The following ATXN8OS variants were observed in gnomAD, a reference collection of about 807,000 sequenced individuals.
ATXN8OS encodes the protein ATXN8 opposite strand lncRNA, also known as ATXN8 opposite strand (non-protein coding).
At chr13:70,151,780 C>T (rs1019010930) in intron 4 of ATXN8OS, among the ~76,000 whole-genome samples, 16 of 152,020 alleles carry the variant, frequency 1.1e-4, no homozygotes, top group South Asian at 6.2e-4. Flanking sequence ...AGAAGTCATC[C>T]GTAATAACTC....
chr13:70,111,525 T>C (rs1193715851), intron 1 of ATXN8OS, among the ~76,000 whole-genome samples: 2 of 152,072 alleles, frequency 1.3e-5, no homozygotes, highest in African/African-American at 2.4e-5. Context: ...GATAACCCAT[T>C]AATACATTAA....
chr13:70,138,022 G>A (rs951232279), intron 3 of ATXN8OS, among the ~76,000 whole-genome samples: 1 of 152,158 alleles, frequency 6.6e-6, no homozygotes, highest in Non-Finnish European at 1.5e-5. Flanking sequence ...CAGACCTTGA[G>A]AGAACTTATT....
At chr13:70,146,466 T>C (rs1380726054) in intron 3 of ATXN8OS, among the ~76,000 whole-genome samples, 1 of 152,140 alleles carries the variant, frequency 6.6e-6, no homozygotes, top group Non-Finnish European at 1.5e-5. Context: ...CATGCACACG[T>C]ATGTTTATTG....
chr13:70,152,968 G>A (rs1315324574), intron 4 of ATXN8OS, among the ~76,000 whole-genome samples: 4 of 150,236 alleles, frequency 2.7e-5, no homozygotes, highest in Admixed American at 6.7e-5. Flanking sequence ...CTAATCAGAA[G>A]TCAAAAGAAG....
intron 3 of ATXN8OS, among the ~76,000 whole-genome samples, chr13:70,143,403 G>C (rs1321424203): frequency 6.6e-6 from 1 of 151,936 alleles, no homozygotes; most frequent in African/African-American, 2.4e-5. Context: ...AAAAAAAATG[G>C]TACTGGGTTT....
intron 3 of ATXN8OS, among the ~76,000 whole-genome samples, chr13:70,136,239 G>T (rs541149022): frequency 6.6e-6 from 1 of 152,210 alleles, no homozygotes; most frequent in African/African-American, 2.4e-5. Flanking sequence ...TTAGATTTTG[G>T]TTTATGTACT....
At chr13:70,143,344 A>T (rs1888741498) in intron 3 of ATXN8OS, among the ~76,000 whole-genome samples, 1 of 151,982 alleles carries the variant, frequency 6.6e-6, no homozygotes, top group Non-Finnish European at 1.5e-5. Flanking sequence ...TTACCTATTG[A>T]TGATGATGAG....
At chr13:70,112,701 TTATA>T (rs1446997289) in intron 1 of ATXN8OS, among the ~76,000 whole-genome samples, 2 of 152,196 alleles carry the variant, frequency 1.3e-5, no homozygotes, top group East Asian at 3.9e-4. Context: ...TGAGGAATTC[TTATA>T]TAAATTGCTG....
intron 4 of ATXN8OS, among the ~76,000 whole-genome samples, chr13:70,162,587 C>T (rs1040964519): frequency 1.3e-5 from 2 of 151,812 alleles, no homozygotes; most frequent in African/African-American, 2.4e-5. Flanking sequence ...CTGATCGATT[C>T]GTTCATACTC....
intron 4 of ATXN8OS, among the ~76,000 whole-genome samples, chr13:70,166,363 T>C (rs1889075291): frequency 6.6e-6 from 1 of 151,934 alleles, no homozygotes; most frequent in African/African-American, 2.4e-5. Flanking sequence ...ATAATCCGCA[T>C]ATCTACAACC....
intron 4 of ATXN8OS, among the ~76,000 whole-genome samples, chr13:70,155,816 A>T (rs113950345): frequency 6.6e-6 from 1 of 151,908 alleles, no homozygotes; most frequent in Non-Finnish European, 1.5e-5. Context: ...AATGAAAAGA[A>T]AAAAAGGATT....
intron 4 of ATXN8OS, among the ~76,000 whole-genome samples, chr13:70,166,537 T>G (rs944071475): frequency 6.6e-5 from 10 of 152,030 alleles, no homozygotes; most frequent in African/African-American, 2.4e-4. Context: ...AAGACTTAAA[T>G]GTTAGACCTA....
At chr13:70,129,721 A>T (rs186620052) in intron 2 of ATXN8OS, 80 of 398,126 alleles carry the variant, frequency 2.0e-4, no homozygotes, top group African/African-American at 1.6e-3. Context: ...GACTAGCAAA[A>T]TATTATTCTA....
chr13:70,139,307 T>C, intron 3 of ATXN8OS: 3 of 558,542 alleles, frequency 5.4e-6, no homozygotes, highest in East Asian at 5.9e-5. Context: ...CTATTCCCAA[T>C]TCCTTGGCTA....
At chr13:70,118,219 A>T (rs2137473008) in intron 2 of ATXN8OS, among the ~76,000 whole-genome samples, 1 of 152,250 alleles carries the variant, frequency 6.6e-6, no homozygotes, top group East Asian at 1.9e-4. Context: ...AAGTTAATGA[A>T]TAAGTAATTT....
intron 4 of ATXN8OS, among the ~76,000 whole-genome samples, chr13:70,168,696 A>C (rs1889108341): frequency 6.7e-6 from 1 of 150,134 alleles, no homozygotes; most frequent in Admixed American, 6.7e-5. Flanking sequence ...AGTTCTATTC[A>C]TGTTGCTACA....
At chr13:70,145,083 C>T (rs932018027) in intron 3 of ATXN8OS, among the ~76,000 whole-genome samples, 4 of 152,030 alleles carry the variant, frequency 2.6e-5, no homozygotes, top group African/African-American at 9.7e-5. Context: ...AGACAGTTTT[C>T]CCAGCACCAT....
intron 3 of ATXN8OS, chr13:70,139,350 T>TTTAC: frequency 1.7e-6 from 1 of 591,194 alleles, no homozygotes; most frequent in African/African-American, 2.2e-5. Flanking sequence ...AAAACCTGGC[T>TTTAC]TTACTACTAC....
chr13:70,119,878 C>T (rs1242979823), intron 2 of ATXN8OS, among the ~76,000 whole-genome samples: 2 of 151,538 alleles, frequency 1.3e-5, no homozygotes, highest in Non-Finnish European at 2.9e-5. Flanking sequence ...TGGGTTCCAT[C>T]CACAAGATAT....
Sources: allele counts gnomAD v4.1 joint callset (sites outside exome capture counted in the v4.1 genomes callset), GRCh38; gene constraint gnomAD v4.1.1; transcripts MANE v1.5; gene names NCBI Gene and HGNC (gene_info 2026-07-23, HGNC 2026-07-21).